BMPER: variants seen among roughly 807,000 people sequenced by gnomAD.
BMPER encodes BMP-binding endothelial regulator protein.
In BMPER, 45 loss-of-function variants were observed where a neutral mutation model predicts 87.3. That is an observed-to-expected ratio of 0.52 (90% CI 0.41 to 0.66). BMPER has a LOEUF of 0.66. Ranked by LOEUF, BMPER falls within the 30% of genes least tolerant of loss-of-function variation. BMPER has a pLI of 0.00. For synonymous variants in BMPER, 326 were observed against 316.2 expected, an observed-to-expected ratio of 1.03 and a Z score of -0.33; for missense variants, 784 against 867.5, an observed-to-expected ratio of 0.90 and a Z score of 1.21.
chr7:34,003,117 T>G (rs561450508), intron 6 of BMPER, among the ~76,000 whole-genome samples: 2 of 151,974 alleles, frequency 1.3e-5, no homozygotes, highest in African/African-American at 4.8e-5. Context: ...ATATTTTGTG[T>G]TAAGTAGAAA....
chr7:34,129,609 AAAGAGAGAG>A (rs1790507275), intron 13 of BMPER, among the ~76,000 whole-genome samples: 68 of 93,038 alleles, frequency 7.3e-4, no homozygotes, highest in Middle Eastern at 5.0e-3. Flanking sequence ...AGAGAGAGAG[AAAGAGAGAG>A]AGAGAGAAAG....
intron 6 of BMPER, among the ~76,000 whole-genome samples, chr7:34,019,774 C>G (rs1438891050): frequency 1.3e-5 from 2 of 151,886 alleles, no homozygotes; most frequent in Non-Finnish European, 2.9e-5. Context: ...AGTCAACACA[C>G]TAGCAATTAC....
At chr7:33,968,565 T>G (rs919544570) in intron 4 of BMPER, among the ~76,000 whole-genome samples, 1 of 152,162 alleles carries the variant, frequency 6.6e-6, no homozygotes, top group South Asian at 2.1e-4. Flanking sequence ...ACTTGCTACT[T>G]AACCTCGCTG....
chr7:33,941,858 C>T (rs1437496307), intron 3 of BMPER, among the ~76,000 whole-genome samples: 3 of 152,286 alleles, frequency 2.0e-5, no homozygotes, highest in East Asian at 3.9e-4. Flanking sequence ...CTTGACTTAA[C>T]ACATTGTAAC....
chr7:33,984,669 C>G (rs992179113), intron 6 of BMPER, among the ~76,000 whole-genome samples: 2 of 152,142 alleles, frequency 1.3e-5, no homozygotes, highest in African/African-American at 4.8e-5. Context: ...AAGTTACTTT[C>G]TCTTATCTGT....
intron 11 of BMPER, among the ~76,000 whole-genome samples, chr7:34,074,675 C>T (rs983486440): frequency 6.6e-6 from 1 of 152,120 alleles, no homozygotes; most frequent in Non-Finnish European, 1.5e-5. Flanking sequence ...ATGCAGTGAT[C>T]CGTGTAGTAG....
chr7:34,094,381 G>T (rs879900046), intron 13 of BMPER, among the ~76,000 whole-genome samples: 23 of 152,274 alleles, frequency 1.5e-4, no homozygotes, highest in Middle Eastern at 3.4e-3. Flanking sequence ...GGGTGGGCCT[G>T]GGGGTGGCCG....
chr7:34,129,622 G>GAGAAAGAGAGAA (rs1790513224), intron 13 of BMPER, among the ~76,000 whole-genome samples: 5 of 67,134 alleles, frequency 7.4e-5, no homozygotes, highest in African/African-American at 3.3e-4. Flanking sequence ...GAGAGAGAGA[G>GAGAAAGAGAGAA]AGAAAGAGAG....
At chr7:34,144,309 G>A (rs1487203742) in intron 14 of BMPER, among the ~76,000 whole-genome samples, 1 of 151,802 alleles carries the variant, frequency 6.6e-6, no homozygotes, top group African/African-American at 2.4e-5. Flanking sequence ...AGAGGAAGGT[G>A]GAGTAGGAGC....
intron 4 of BMPER, among the ~76,000 whole-genome samples, chr7:33,968,961 C>A (rs1269801512): frequency 6.6e-6 from 1 of 152,126 alleles, no homozygotes; most frequent in East Asian, 1.9e-4. Context: ...TTTTGCATTG[C>A]TTCAGTTATG....
At chr7:33,923,131 G>A (rs1004481390) in intron 2 of BMPER, among the ~76,000 whole-genome samples, 3 of 152,094 alleles carry the variant, frequency 2.0e-5, no homozygotes, top group Non-Finnish European at 4.4e-5. Context: ...CTGTAGATGA[G>A]TATCACGGTC....
At chr7:33,962,431 A>G (rs923482224) in intron 3 of BMPER, among the ~76,000 whole-genome samples, 3 of 152,218 alleles carry the variant, frequency 2.0e-5, no homozygotes, top group African/African-American at 4.8e-5. Context: ...GATGGTTTAC[A>G]TCAGGGTTTT....
intron 13 of BMPER, among the ~76,000 whole-genome samples, chr7:34,088,718 C>T (rs944789343): frequency 3.9e-5 from 6 of 152,252 alleles, no homozygotes; most frequent in South Asian, 4.1e-4. Flanking sequence ...CGCTGGCACA[C>T]GGTAGTCCTG....
intron 13 of BMPER, among the ~76,000 whole-genome samples, chr7:34,114,854 A>G (rs998894921): frequency 4.6e-5 from 7 of 152,274 alleles, no homozygotes; most frequent in African/African-American, 1.7e-4. Flanking sequence ...AGGCAAGAGC[A>G]GAGGACAGGT....
intron 6 of BMPER, 44 bp from the exon 7 acceptor site, chr7:34,046,262 C>T (rs375013716): frequency 1.9e-6 from 3 of 1,564,016 alleles, no homozygotes; most frequent in Non-Finnish European, 2.6e-6. Flanking sequence ...AATCTACATG[C>T]ACTTACTTTT....
intron 6 of BMPER, among the ~76,000 whole-genome samples, chr7:34,023,909 A>T (rs552143197): frequency 1.3e-5 from 2 of 152,028 alleles, no homozygotes; most frequent in Admixed American, 6.6e-5. Flanking sequence ...ATGTAAAAGA[A>T]TATGTTGGTA....
rs564511920 is a variant in BMPER at position 34,018,345 on chromosome 7, A to G, written c.577-27961A>G. On this transcript the variant is annotated intron_variant, in intron 6 of 14. Coordinates refer to ENST00000649409, the MANE Select transcript of BMPER (RefSeq NM_001365308.1). Reference sequence around the variant, plus strand: ...TCCAACTGCCCTAAAGTATAAAGAGAAGTTGCCCCTTTAGCACATATTGAG... The same window carrying G: ...TCCAACTGCCCTAAAGTATAAAGAGGAGTTGCCCCTTTAGCACATATTGAG... Among the ~76,000 whole-genome samples the G allele has an allele frequency of 4.6e-5, 7 of 152,014 alleles. No individual in the cohort carries two copies. In the South Asian group the frequency reaches 1.0e-3, roughly 23 times the overall value.
chr7:34,047,559 G>C (rs894208727), intron 7 of BMPER, among the ~76,000 whole-genome samples: 5 of 152,088 alleles, frequency 3.3e-5, no homozygotes, highest in Non-Finnish European at 7.4e-5. Context: ...TTACAGGCGT[G>C]AGCCACCATG....
At chr7:33,923,666 T>G (rs1585640079) in intron 2 of BMPER, among the ~76,000 whole-genome samples, 1 of 152,278 alleles carries the variant, frequency 6.6e-6, no homozygotes, top group Admixed American at 6.5e-5. Flanking sequence ...CCTCTGGTGG[T>G]CACTGAATTA....
Sources: allele counts gnomAD v4.1 joint callset (sites outside exome capture counted in the v4.1 genomes callset), GRCh38; gene constraint gnomAD v4.1.1; transcripts MANE v1.5; gene names NCBI Gene and HGNC (gene_info 2026-07-23, HGNC 2026-07-21).